The following DAB1 variants were observed in gnomAD, a reference collection of about 807,000 sequenced individuals.
DAB1 encodes DAB adaptor protein 1.
Under a neutral mutation model 64.6 loss-of-function variants are expected in DAB1, and 15 were observed. The ratio of observed to expected loss-of-function variants is 0.23; its 90% CI spans 0.16 to 0.36. DAB1 has a LOEUF of 0.36. Ranked by LOEUF, DAB1 falls within the 10% of genes least tolerant of loss-of-function variation. The pLI is 1.00. For synonymous variants in DAB1, 235 were observed against 251.9 expected (o/e 0.93, Z 0.64); for missense variants, 596 against 706.7 (o/e 0.84, Z 1.78).
intron 7 of DAB1, among the ~76,000 whole-genome samples, chr1:57,609,652 GT>G (rs1219519748): frequency 1.3e-5 from 2 of 152,140 alleles, no homozygotes; most frequent in East Asian, 3.9e-4. Flanking sequence ...ATAGTCGCTG[GT>G]TTTTTAAGAT....
At chr1:57,348,998 A>G (rs545286023) in intron 1 of DAB1, among the ~76,000 whole-genome samples, 1 of 152,116 alleles carries the variant, frequency 6.6e-6, no homozygotes, top group South Asian at 2.1e-4. Context: ...ATTCAAGCCC[A>G]TTTCCTTCCC....
At chr1:57,747,545 C>T (rs999674310) in intron 6 of DAB1, among the ~76,000 whole-genome samples, 12 of 151,980 alleles carry the variant, frequency 7.9e-5, no homozygotes, top group African/African-American at 2.9e-4. Context: ...CACGGTGGCT[C>T]ACGCCTGTAA....
At chr1:57,450,415 T>A (rs1352285215) in intron 7 of DAB1, among the ~76,000 whole-genome samples, 2 of 152,196 alleles carry the variant, frequency 1.3e-5, no homozygotes, top group Non-Finnish European at 2.9e-5. Context: ...TGAAAAAAAA[T>A]ATTCTGGAAT....
chr1:58,300,610 A>AAGAGAGAGAGAG (rs770388855), intron 4 of DAB1, among the ~76,000 whole-genome samples: 1 of 47,062 alleles, frequency 2.1e-5, no homozygotes. Flanking sequence ...GAAAGAAAGA[A>AAGAGAGAGAGAG]AGAGAGAGAG....
At chr1:58,375,905 T>C (rs928657592) in intron 3 of DAB1, among the ~76,000 whole-genome samples, 4 of 143,854 alleles carry the variant, frequency 2.8e-5, no homozygotes, top group Non-Finnish European at 6.2e-5. Flanking sequence ...CCTGGTTTAG[T>C]CTTGGGAGAC....
intron 1 of DAB1, among the ~76,000 whole-genome samples, chr1:58,544,994 C>A (rs375012163): frequency 5.3e-5 from 8 of 152,122 alleles, no homozygotes; most frequent in Non-Finnish European, 1.0e-4. Context: ...TACTGCACTG[C>A]GAAGTGTTGG....
intron 5 of DAB1, among the ~76,000 whole-genome samples, chr1:57,910,229 T>A (rs1398018444): frequency 6.6e-6 from 1 of 152,154 alleles, no homozygotes. Flanking sequence ...CAGACCATCA[T>A]CCATACACCC....
chr1:58,067,589 C>A (rs1648934563), intron 5 of DAB1, among the ~76,000 whole-genome samples: 1 of 152,144 alleles, frequency 6.6e-6, no homozygotes, highest in Non-Finnish European at 1.5e-5. Flanking sequence ...GAGACAGAGT[C>A]TATGGGTTAA....
At chr1:57,957,625 AG>A (rs1645421959) in intron 5 of DAB1, among the ~76,000 whole-genome samples, 1 of 152,228 alleles carries the variant, frequency 6.6e-6, no homozygotes, top group African/African-American at 2.4e-5. Context: ...TTACCAAAAA[AG>A]TGAGAAAAGC....
chr1:58,418,180 T>C (rs1644739671), intron 3 of DAB1, among the ~76,000 whole-genome samples: 1 of 152,166 alleles, frequency 6.6e-6, no homozygotes, highest in Non-Finnish European at 1.5e-5. Context: ...TGCTGCAAAA[T>C]AGAAAGTCCA....
intron 1 of DAB1, chr1:58,538,907 T>A: frequency 1.1e-6 from 1 of 872,860 alleles, no homozygotes. Flanking sequence ...ATAGCTCTTA[T>A]GGAAGCAGGG....
chr1:57,218,666 G>C (rs1666627283), intron 2 of DAB1, among the ~76,000 whole-genome samples: 1 of 152,002 alleles, frequency 6.6e-6, no homozygotes, highest in Admixed American at 6.6e-5. Flanking sequence ...CAGGGTGACA[G>C]AGCATATATA....
intron 3 of DAB1, among the ~76,000 whole-genome samples, chr1:58,386,891 A>G (rs1032542729): frequency 1.3e-5 from 2 of 151,958 alleles, no homozygotes; most frequent in African/African-American, 4.8e-5. Flanking sequence ...AGAAACCCCA[A>G]CTCTACTAAA....
At chr1:57,068,101 C>A (rs998106297) in intron 8 of DAB1, among the ~76,000 whole-genome samples, 4 of 150,574 alleles carry the variant, frequency 2.7e-5, no homozygotes, top group Non-Finnish European at 5.9e-5. Context: ...GCCCTGCCAA[C>A]TATAGCTAAG....
chr1:58,337,972 T>G (rs1663161997), intron 4 of DAB1, among the ~76,000 whole-genome samples: 1 of 138,750 alleles, frequency 7.2e-6, no homozygotes, highest in Admixed American at 7.3e-5. Context: ...GAGGATAAAC[T>G]TACATGTTTT....
rs1311175330 is a variant in DAB1, at chr1:58,378,074, C to T, written n.258-34671G>A. Among the ~76,000 whole-genome samples the T allele has an allele frequency of 6.6e-5, 9 of 136,730 alleles. 2 individuals carry two copies. Among genetic ancestry groups the T allele is most frequent in the Non-Finnish European group, 1.5e-4 (9 of 61,824 alleles). 89.7% of individuals were successfully genotyped at this position (136,730 alleles called of 152,430 possible). The stretch of plus-strand genomic sequence containing the variant: ...CTCTGTATTGGTTATTCTAGTTATA[C>T]ATTCTTCTAAATTTTTTTCAAAGTT... On this transcript the variant is annotated intron_variant and non_coding_transcript_variant, in intron 3 of 20. Coordinates refer to the DAB1 transcript ENST00000485760.
At position 58,064,306 on chromosome 1, in the gene DAB1, C is replaced by T. The variant is rs1400572383; in HGVS notation, n.387+86205G>A. ...AAAAAATATGGCATGTGTTTAGAGG[C>T]TGCAGTGTGCCAGCCACCAGATCTG... On this transcript the variant is annotated intron_variant and non_coding_transcript_variant, in intron 5 of 20. Transcript: ENST00000485760. Among the ~76,000 whole-genome samples the T allele has an allele frequency of 5.3e-5, 8 of 152,340 alleles. No individual in the cohort carries two copies. The South Asian group carries it at 1.2e-3, about 24-fold the overall frequency.
At chr1:58,152,133 G>T (rs924335590) in intron 4 of DAB1, among the ~76,000 whole-genome samples, 3 of 151,962 alleles carry the variant, frequency 2.0e-5, no homozygotes, top group Non-Finnish European at 2.9e-5. Context: ...GTATTTTTTC[G>T]ACTCACTTCC....
chr1:57,182,247 G>T (rs1049486462), intron 2 of DAB1, among the ~76,000 whole-genome samples: 2 of 152,128 alleles, frequency 1.3e-5, no homozygotes, highest in African/African-American at 4.8e-5. Flanking sequence ...AGTAATAGAG[G>T]TTCAAACATT....
Sources: gnomAD v4.1 joint callset for allele counts (sites outside exome capture counted in the v4.1 genomes callset) on GRCh38, gnomAD v4.1.1 for gene constraint, MANE v1.5 for transcripts, NCBI Gene and HGNC (gene_info 2026-07-23, HGNC 2026-07-21) for gene names.